The following SHLD2 variants were observed in gnomAD, a reference collection of about 807,000 sequenced individuals.
SHLD2 encodes the protein shieldin complex subunit 2.
A neutral mutation model predicts 73.2 loss-of-function variants in SHLD2; 30 were observed. The observed-to-expected ratio is 0.41, with a 90% CI of 0.31 to 0.56. SHLD2 has a LOEUF of 0.56. Among genes scored for constraint, SHLD2 ranks in the 20% least tolerant of loss-of-function variants. SHLD2 has a pLI of 0.28. For synonymous variants in SHLD2, 285 were observed against 370.1 expected (o/e 0.77, Z 2.64); for missense variants, 745 against 1,055.9 (o/e 0.71, Z 4.08).
At chr10:87,166,863 G>A (rs1847236993) in intron 4 of SHLD2, among the ~76,000 whole-genome samples, 1 of 152,020 alleles carries the variant, frequency 6.6e-6, no homozygotes, top group Non-Finnish European at 1.5e-5. Context: ...CCCAGTTGAA[G>A]TCAGTTAAAT....
chr10:87,098,182 C>T (rs1399482816), intron 2 of SHLD2, among the ~76,000 whole-genome samples: 1 of 152,114 alleles, frequency 6.6e-6, no homozygotes, highest in African/African-American at 2.4e-5. Context: ...TGGAGTATTT[C>T]TTTTCACACT....
At chr10:87,134,980 G>A (rs1039411291) in intron 2 of SHLD2, among the ~76,000 whole-genome samples, 5 of 152,100 alleles carry the variant, frequency 3.3e-5, no homozygotes, top group South Asian at 2.1e-4. Context: ...AACTCTGACC[G>A]TCGTGCTTAA....
intron 2 of SHLD2, among the ~76,000 whole-genome samples, chr10:87,122,192 A>AAAAAAAAT (rs1843683899): frequency 6.6e-6 from 1 of 150,976 alleles, no homozygotes. Flanking sequence ...AAAAAAAAAA[A>AAAAAAAAT]AAGGCTACAT....
intron 2 of SHLD2, among the ~76,000 whole-genome samples, chr10:87,144,465 TTACTTTGAGATACTAAA>T (rs1451339112): frequency 6.6e-6 from 1 of 152,166 alleles, no homozygotes; most frequent in Non-Finnish European, 1.5e-5. Context: ...TTAGTGGCTA[TTACTTTGAGATACTAAA>T]TGAGCAATAG....
intron 1 of SHLD2, among the ~76,000 whole-genome samples, chr10:87,095,818 C>T (rs1841821163): frequency 6.6e-6 from 1 of 152,178 alleles, no homozygotes; most frequent in African/African-American, 2.4e-5. Context: ...TTAGTCCTAG[C>T]ACTTTGGGAG....
At chr10:87,122,728 TTTAC>T (rs572962759) in intron 2 of SHLD2, among the ~76,000 whole-genome samples, 122 of 152,342 alleles carry the variant, frequency 8.0e-4, no homozygotes, top group African/African-American at 2.9e-3. Context: ...ATGTTTATAA[TTTAC>T]TTATCAAGTT....
At chr10:87,150,573 C>T (rs1490748518) in intron 2 of SHLD2, among the ~76,000 whole-genome samples, 15 of 151,198 alleles carry the variant, frequency 9.9e-5, no homozygotes, top group Admixed American at 7.9e-4. Context: ...CCAGCCTGGC[C>T]GACATGGTGA....
intron 2 of SHLD2, among the ~76,000 whole-genome samples, chr10:87,141,811 A>G (rs958549562): frequency 6.6e-6 from 1 of 152,098 alleles, no homozygotes; most frequent in African/African-American, 2.4e-5. Flanking sequence ...TGGGTGGATC[A>G]CCTGAGGTCA....
intron 2 of SHLD2, among the ~76,000 whole-genome samples, chr10:87,145,934 A>G (rs1053441199): frequency 6.6e-6 from 1 of 152,208 alleles, no homozygotes; most frequent in Non-Finnish European, 1.5e-5. Flanking sequence ...TCAGTTGTCC[A>G]TAACTTTTCT....
At chr10:87,182,139 A>G (rs1191328061) in intron 8 of SHLD2, among the ~76,000 whole-genome samples, 1 of 152,202 alleles carries the variant, frequency 6.6e-6, no homozygotes, top group South Asian at 2.1e-4. Context: ...GAAATTAACA[A>G]ACTCCCTTCA....
At chr10:87,155,031 T>C (rs190260480) in intron 3 of SHLD2, among the ~76,000 whole-genome samples, 3,956 of 152,208 alleles carry the variant, frequency 0.026, 71 homozygotes, top group Middle Eastern at 0.041. Context: ...GCCTCCCGGG[T>C]TCACGCCATT....
intron 2 of SHLD2, among the ~76,000 whole-genome samples, chr10:87,140,475 T>A (rs1186561751): frequency 6.6e-6 from 1 of 150,446 alleles, no homozygotes; most frequent in Non-Finnish European, 1.5e-5. Context: ...TGGTGGCTCA[T>A]GCCTGTAATC....
At chr10:87,170,302 T>A (rs1273581683) in intron 4 of SHLD2, among the ~76,000 whole-genome samples, 176 bp from the exon 5 acceptor site, 1 of 152,216 alleles carries the variant, frequency 6.6e-6, no homozygotes, top group African/African-American at 2.4e-5. Context: ...TCAAGTTTGT[T>A]TTTACATCTA....
chr10:87,132,897 C>G (rs539680023), intron 2 of SHLD2, among the ~76,000 whole-genome samples: 2 of 152,192 alleles, frequency 1.3e-5, no homozygotes, highest in Admixed American at 1.3e-4. Context: ...TTATTGGGTA[C>G]CAGATGTGTT....
At chr10:87,117,251 C>G (rs1237670048) in intron 2 of SHLD2, among the ~76,000 whole-genome samples, 2 of 151,912 alleles carry the variant, frequency 1.3e-5, no homozygotes, top group Non-Finnish European at 2.9e-5. Flanking sequence ...GAAACCCCAT[C>G]CCTATTAAAA....
intron 8 of SHLD2, among the ~76,000 whole-genome samples, chr10:87,183,366 T>G (rs531034166): frequency 1.7e-4 from 26 of 152,336 alleles, no homozygotes; most frequent in African/African-American, 5.3e-4. Flanking sequence ...AAGAGAAGTC[T>G]GGGCTAGGCT....
At chr10:87,176,891 A>G (rs1433737249) in intron 7 of SHLD2, among the ~76,000 whole-genome samples, 3 of 152,236 alleles carry the variant, frequency 2.0e-5, no homozygotes, top group African/African-American at 7.2e-5. Context: ...TGAAACATTT[A>G]CTAATACCAG....
intron 2 of SHLD2, among the ~76,000 whole-genome samples, chr10:87,122,123 T>G (rs1843670171): frequency 6.7e-6 from 1 of 149,026 alleles, no homozygotes; most frequent in South Asian, 2.1e-4. Context: ...TGTTATTGCA[T>G]TTGGCGTGGC....
At chr10:87,132,326 G>A (rs1197842604) in intron 2 of SHLD2, among the ~76,000 whole-genome samples, 1 of 152,102 alleles carries the variant, frequency 6.6e-6, no homozygotes, top group Non-Finnish European at 1.5e-5. Flanking sequence ...TGACACAAGG[G>A]TTATAAAGGA....
Sources: allele counts gnomAD v4.1 joint callset (sites outside exome capture counted in the v4.1 genomes callset), GRCh38; gene constraint gnomAD v4.1.1; transcripts MANE v1.5; gene names NCBI Gene and HGNC (gene_info 2026-07-23, HGNC 2026-07-21).